Variants in RIN2 observed in about 807,000 individuals in gnomAD.
RIN2 encodes the protein RAB5 interacting protein 2.
RIN2 carries 36 observed loss-of-function variants against 78.0 expected under a neutral mutation model. That is an observed-to-expected ratio of 0.46 (90% confidence interval 0.35 to 0.61). The LOEUF is 0.61. RIN2 is among the 20% of genes least tolerant of loss of function. The pLI is 0.00. For synonymous variants in RIN2, 466 were observed against 466.8 expected, an observed-to-expected ratio of 1.00 and a Z score of 0.02; for missense variants, 1,087 against 1,159.7, an observed-to-expected ratio of 0.94 and a Z score of 0.91.
At chr20:19,968,215 G>A (rs1184955331) in intron 7 of RIN2, among the ~76,000 whole-genome samples, 4 of 152,190 alleles carry the variant, frequency 2.6e-5, no homozygotes, top group South Asian at 2.1e-4. Flanking sequence ...GGCCCCACAC[G>A]AGTTACGGTG....
At chr20:19,846,130 G>A (rs528596955) in intron 2 of RIN2, among the ~76,000 whole-genome samples, 1 of 152,248 alleles carries the variant, frequency 6.6e-6, no homozygotes, top group Admixed American at 6.5e-5. Context: ...GGTTACTGTA[G>A]CCTTGTAGTA....
At chr20:19,772,652 G>A (rs1020394442) in intron 1 of RIN2, among the ~76,000 whole-genome samples, 1 of 152,168 alleles carries the variant, frequency 6.6e-6, no homozygotes, top group African/African-American at 2.4e-5. Context: ...GGCACTGCCT[G>A]AGCCAGACCT....
In RIN2 at chr20:19,975,534, GTTCAGCTCC is replaced by G; in HGVS notation, c.1514_1522del (p.Ser505_Phe507del). The G allele has an allele frequency of 6.2e-7, 1 of 1,614,036 alleles. No homozygotes were observed. On this transcript the variant is annotated inframe_deletion, in exon 9 of 13. Coordinates refer to ENST00000255006, the MANE Select transcript of RIN2 (RefSeq NM_018993.4). The surrounding 1 kb of genome is among the most constrained non-coding windows in gnomAD (Gnocchi z 4.9). ...CCCAGCTGCAGAAGGTGAGCGGGGT[GTTCAGCTCC>G]TTCATGACCCCGGAGAAGCGGATGG...
intron 9 of RIN2, among the ~76,000 whole-genome samples, chr20:19,986,487 T>C (rs538168217): frequency 2.0e-5 from 3 of 152,340 alleles, no homozygotes; most frequent in East Asian, 3.9e-4. Context: ...CCCTTGGCAA[T>C]TGGTCCTAGG....
At chr20:19,809,838 C>T (rs1433756969) in intron 2 of RIN2, among the ~76,000 whole-genome samples, 1 of 152,138 alleles carries the variant, frequency 6.6e-6, no homozygotes, top group Non-Finnish European at 1.5e-5. Context: ...TCACAACCCA[C>T]AACCACTACA....
At chr20:19,766,913 G>GAAA (rs749280521) in intron 1 of RIN2, among the ~76,000 whole-genome samples, 4 of 109,040 alleles carry the variant, frequency 3.7e-5, no homozygotes, top group Non-Finnish European at 5.9e-5. Flanking sequence ...CTCCATCTCA[G>GAAA]AAAAAAAAAA....
intron 5 of RIN2, 98 bp from the exon 6 acceptor site, chr20:19,960,602 T>C (rs1196513081): frequency 2.2e-6 from 2 of 902,304 alleles, no homozygotes; most frequent in Non-Finnish European, 3.6e-6. Flanking sequence ...AGTGTGGATA[T>C]GAAGGGATTC....
intron 2 of RIN2, among the ~76,000 whole-genome samples, chr20:19,805,318 A>C (rs1031056037): frequency 1.3e-5 from 2 of 152,200 alleles, no homozygotes; most frequent in Non-Finnish European, 2.9e-5. Flanking sequence ...TCCCACCATC[A>C]CTGCGACAGA....
At chr20:19,858,591 G>A (rs6081774) in intron 2 of RIN2, among the ~76,000 whole-genome samples, 69,531 of 152,018 alleles carry the variant, frequency 0.46, 16,783 homozygotes, top group African/African-American at 0.6. Context: ...TAAGGACATC[G>A]TGCTAATGTC....
intron 12 of RIN2, among the ~76,000 whole-genome samples, chr20:19,997,995 A>G (rs552489875): frequency 7.2e-4 from 108 of 150,298 alleles, no homozygotes; most frequent in African/African-American, 2.5e-3. Context: ...TTTTTTCTTA[A>G]GACAGAGTCT....
Position 20,001,039 on chromosome 20 carries a change from A to T in RIN2, c.*103A>T. 1.7e-6 allele frequency: 2 copies of T among 1,147,374 alleles called. No homozygotes were observed. The highest frequency in any genetic ancestry group is 3.1e-5 in the South Asian group (2 of 64,398). 71.1% of individuals were successfully genotyped at this position (1,147,374 alleles called of 1,614,324 possible). ...TTGAAAAGCAGTCACCTCCTCGGGG[A>T]CCCCTCAGTGTAGTGACTAAGCCAT... On this transcript the variant is annotated 3_prime_UTR_variant, in exon 13 of 13. Transcript: ENST00000255006.
chr20:19,773,523 C>T (rs955042002), intron 1 of RIN2, among the ~76,000 whole-genome samples: 8 of 152,056 alleles, frequency 5.3e-5, no homozygotes. Context: ...GTTGGGGAGG[C>T]CTTAGCACCT....
chr20:19,885,515 A>C (rs748055054), intron 2 of RIN2, among the ~76,000 whole-genome samples: 1 of 151,214 alleles, frequency 6.6e-6, no homozygotes, highest in Non-Finnish European at 1.5e-5. Flanking sequence ...AAAAATACAA[A>C]AATTAGCCAG....
At chr20:19,990,442 G>A (rs1161731049) in intron 10 of RIN2, 131 bp downstream of exon 10, 2 of 813,482 alleles carry the variant, frequency 2.5e-6, no homozygotes, top group Non-Finnish European at 3.8e-6. Context: ...GTGGCTTACA[G>A]AACTACAAGT....
chr20:19,902,057 T>G (rs1023432766), intron 3 of RIN2, among the ~76,000 whole-genome samples: 4 of 150,666 alleles, frequency 2.7e-5, no homozygotes, highest in Non-Finnish European at 5.9e-5. Context: ...GCAAACACAC[T>G]GTTCCAGGCA....
intron 2 of RIN2, 84 bp from the exon 3 acceptor site, chr20:19,889,482 A>C: frequency 7.6e-7 from 1 of 1,320,154 alleles, no homozygotes; most frequent in Non-Finnish European, 1.0e-6. Context: ...AGATCTTGGC[A>C]GGACTGTTGT....
At chr20:19,825,270 C>G (rs2122942440) in intron 2 of RIN2, among the ~76,000 whole-genome samples, 1 of 152,320 alleles carries the variant, frequency 6.6e-6, no homozygotes, top group East Asian at 1.9e-4. Flanking sequence ...TGATCTAGGA[C>G]TAAACCTTTC....
intron 2 of RIN2, among the ~76,000 whole-genome samples, chr20:19,836,820 A>C (rs150381185): frequency 1.8e-3 from 273 of 152,252 alleles, no homozygotes; most frequent in African/African-American, 6.1e-3. Flanking sequence ...AATCTTGCTG[A>C]ACTTAACTAT....
chr20:19,924,189 A>AC (rs368079165), intron 3 of RIN2, among the ~76,000 whole-genome samples: 9 of 27,040 alleles, frequency 3.3e-4, no homozygotes, highest in Admixed American at 6.1e-4. Flanking sequence ...ACACCTTCAT[A>AC]CCCCACCTTC....
Sources: gnomAD v4.1 joint callset for allele counts (sites outside exome capture counted in the v4.1 genomes callset) on GRCh38, gnomAD v4.1.1 for gene constraint, Gnocchi (gnomAD v3.1) non-coding constraint, MANE v1.5 for transcripts, NCBI Gene and HGNC (gene_info 2026-07-23, HGNC 2026-07-21) for gene names.